DLG2: variants seen among roughly 807,000 people sequenced by gnomAD.
DLG2 encodes disks large homolog 2.
DLG2 carries 45 observed loss-of-function variants against 132.5 expected under a neutral mutation model. The ratio of observed to expected loss-of-function variants is 0.34; its 90% CI spans 0.27 to 0.44. The LOEUF (loss-of-function observed/expected upper bound fraction) is 0.44. Ranked by LOEUF, DLG2 falls within the 20% of genes least tolerant of loss-of-function variation. The probability of loss-of-function intolerance (pLI) is 1.00; values close to 1 mark genes in which losing one functional copy is unlikely to be tolerated. For missense variants in DLG2, 1,045 were observed against 1,196.9 expected, an observed-to-expected ratio of 0.87 and a Z score of 1.87; for synonymous variants, 424 against 419.6, an observed-to-expected ratio of 1.01 and a Z score of -0.13.
At chr11:84,097,761 C>G (rs1310332740) in intron 10 of DLG2, among the ~76,000 whole-genome samples, 3 of 152,104 alleles carry the variant, frequency 2.0e-5, no homozygotes, top group Admixed American at 1.3e-4. Context: ...AACTGCTTGG[C>G]CTGAGGGGAT....
intron 6 of DLG2, among the ~76,000 whole-genome samples, chr11:84,812,514 A>G (rs1223671587): frequency 2.0e-5 from 3 of 152,136 alleles, no homozygotes; most frequent in Non-Finnish European, 4.4e-5. Context: ...AGTTATGCAA[A>G]TCCTGTGTCA....
At chr11:85,400,961 G>C in intron 3 of DLG2, among the ~76,000 whole-genome samples, 1 of 150,092 alleles carries the variant, frequency 6.7e-6, no homozygotes, top group Non-Finnish European at 1.5e-5. Context: ...AAGAAAAAGA[G>C]GGAATTCTCC....
chr11:83,637,371 A>G (rs753969912), intron 18 of DLG2, among the ~76,000 whole-genome samples: 7 of 152,166 alleles, frequency 4.6e-5, no homozygotes, highest in Non-Finnish European at 8.8e-5. Flanking sequence ...ATATCATCCA[A>G]TGTGGAATTC....
At chr11:85,235,418 C>T (rs552540686) in intron 4 of DLG2, among the ~76,000 whole-genome samples, 14 of 152,046 alleles carry the variant, frequency 9.2e-5, no homozygotes, top group Admixed American at 4.6e-4. Context: ...CAGCTATTCA[C>T]GCATTTCCTC....
intron 6 of DLG2, among the ~76,000 whole-genome samples, chr11:84,911,882 T>C (rs17808953): frequency 0.024 from 3,714 of 152,276 alleles, 59 homozygotes; most frequent in Middle Eastern, 0.051. Context: ...ATTACTATTG[T>C]ATATTACGTA....
At chr11:83,543,326 A>G (rs907744891) in intron 19 of DLG2, among the ~76,000 whole-genome samples, 1 of 152,212 alleles carries the variant, frequency 6.6e-6, no homozygotes, top group African/African-American at 2.4e-5. Flanking sequence ...GATGTGACAT[A>G]TATTAGTTAA....
chr11:85,211,173 CAAAT>C (rs2082229912), intron 4 of DLG2, among the ~76,000 whole-genome samples: 1 of 151,962 alleles, frequency 6.6e-6, no homozygotes, highest in Non-Finnish European at 1.5e-5. Context: ...CTTTGGTAGA[CAAAT>C]ATTACTGCTA....
At chr11:83,840,181 G>A (rs1344158744) in intron 16 of DLG2, among the ~76,000 whole-genome samples, 2 of 152,104 alleles carry the variant, frequency 1.3e-5, no homozygotes, top group Admixed American at 6.5e-5. Flanking sequence ...TGTTCCTTGG[G>A]TCCACACTGT....
chr11:83,701,540 A>G (rs1299918669), intron 18 of DLG2, among the ~76,000 whole-genome samples: 1 of 152,226 alleles, frequency 6.6e-6, no homozygotes. Flanking sequence ...CCTTGTACAC[A>G]GAAAGCTCTC....
At chr11:84,115,984 A>G (rs1212367099) in intron 9 of DLG2, among the ~76,000 whole-genome samples, 2 of 152,230 alleles carry the variant, frequency 1.3e-5, no homozygotes, top group East Asian at 1.9e-4. Context: ...GAGTGTCTCA[A>G]TCAGTAAGAA....
chr11:84,886,229 C>G (rs1057442098), intron 6 of DLG2, among the ~76,000 whole-genome samples: 2 of 152,078 alleles, frequency 1.3e-5, no homozygotes, highest in Admixed American at 1.3e-4. Context: ...TGTCAACTGC[C>G]TCATCCTCTG....
chr11:85,234,774 G>T (rs1223109250), intron 4 of DLG2, among the ~76,000 whole-genome samples: 1 of 151,836 alleles, frequency 6.6e-6, no homozygotes, highest in Non-Finnish European at 1.5e-5. Context: ...TCTCCCTTAT[G>T]AATCAATTTT....
At chr11:83,579,220 T>C (rs1177880359) in intron 19 of DLG2, among the ~76,000 whole-genome samples, 2 of 152,202 alleles carry the variant, frequency 1.3e-5, no homozygotes, top group Non-Finnish European at 2.9e-5. Flanking sequence ...AGTAAATATC[T>C]AGGCAAATAA....
rs568343820 is a variant in DLG2 at position 84,533,287 on chromosome 11, C to T, written c.519+1283G>A. On this transcript the variant is annotated intron_variant, in intron 7 of 27. Coordinates refer to ENST00000376104, the MANE Select transcript of DLG2 (RefSeq NM_001142699.3). ...CATCGATGTCGTGTTTTTCAGATGA[C>T]AGCTCTGGAGGTAAAAAAGGTTTAG... 2.3e-4 allele frequency among the ~76,000 whole-genome samples: 35 copies of T among 152,318 alleles called. No homozygotes were observed. The South Asian group carries it at 6.6e-3, about 29-fold the overall frequency.
intron 6 of DLG2, among the ~76,000 whole-genome samples, chr11:84,840,060 G>T (rs1021455074): frequency 2.0e-5 from 3 of 152,002 alleles, no homozygotes; most frequent in Admixed American, 1.3e-4. Context: ...GCAACCTACA[G>T]AATGGGAGAA....
chr11:85,135,907 A>G (rs1256269995), intron 5 of DLG2, among the ~76,000 whole-genome samples: 1 of 152,210 alleles, frequency 6.6e-6, no homozygotes, highest in Non-Finnish European at 1.5e-5. Flanking sequence ...TTTTACGTCT[A>G]CAAAATAGAG....
intron 3 of DLG2, among the ~76,000 whole-genome samples, chr11:85,317,988 G>A (rs554977396): frequency 1.3e-5 from 2 of 151,678 alleles, no homozygotes; most frequent in Non-Finnish European, 2.9e-5. Flanking sequence ...ATAATCAGGA[G>A]GTAGCACACA....
At chr11:83,676,924 T>C (rs1697728788) in intron 18 of DLG2, among the ~76,000 whole-genome samples, 1 of 152,172 alleles carries the variant, frequency 6.6e-6, no homozygotes, top group East Asian at 1.9e-4. Flanking sequence ...ACGTGGTCCA[T>C]GCTTAATAAA....
At chr11:83,756,130 C>A (rs2093634523) in intron 18 of DLG2, among the ~76,000 whole-genome samples, 1 of 151,236 alleles carries the variant, frequency 6.6e-6, no homozygotes, top group African/African-American at 2.5e-5. Context: ...AGAGGCACCA[C>A]ACCCTCAGTA....
Sources: allele counts gnomAD v4.1 joint callset (sites outside exome capture counted in the v4.1 genomes callset), GRCh38; gene constraint gnomAD v4.1.1; transcripts MANE v1.5; gene names NCBI Gene and HGNC (gene_info 2026-07-23, HGNC 2026-07-21).